Variants in NAV3 observed in about 807,000 individuals in gnomAD.
The protein encoded by NAV3 is neuron navigator 3.
Under a neutral mutation model 244.7 loss-of-function variants are expected in NAV3, and 87 were observed. That is an observed-to-expected ratio of 0.36 (90% CI 0.30 to 0.42). NAV3 has a LOEUF of 0.42. Ranked by LOEUF, NAV3 falls within the 20% of genes least tolerant of loss-of-function variation. The pLI is 1.00. For missense variants in NAV3, 2,663 were observed against 2,893.3 expected, an observed-to-expected ratio of 0.92 and a Z score of 1.83; for synonymous variants, 1,126 against 1,042.2, an observed-to-expected ratio of 1.08 and a Z score of -1.55.
intron 2 of NAV3, among the ~76,000 whole-genome samples, chr12:77,732,634 C>T (rs898669859): frequency 2.4e-4 from 36 of 152,108 alleles, no homozygotes; most frequent in African/African-American, 8.2e-4. Flanking sequence ...TACAACCCTG[C>T]GTGGCACAAA....
chr12:77,664,815 A>G (rs1272114057), intron 2 of NAV3, among the ~76,000 whole-genome samples: 1 of 152,258 alleles, frequency 6.6e-6, no homozygotes, highest in Non-Finnish European at 1.5e-5. Flanking sequence ...AACAAAAAAG[A>G]GAAAACACTC....
At chr12:77,575,992 G>A (rs1869062906) in intron 2 of NAV3, among the ~76,000 whole-genome samples, 1 of 152,076 alleles carries the variant, frequency 6.6e-6, no homozygotes. Flanking sequence ...TTATGGAAAT[G>A]TTTTAAGATT....
intron 1 of NAV3, among the ~76,000 whole-genome samples, chr12:77,936,553 A>G (rs956472299): frequency 1.3e-5 from 2 of 152,162 alleles, no homozygotes; most frequent in Admixed American, 1.3e-4. Flanking sequence ...CAATTATACC[A>G]ATTTCTTCAC....
At chr12:77,704,913 A>T (rs908039954) in intron 2 of NAV3, among the ~76,000 whole-genome samples, 1 of 152,222 alleles carries the variant, frequency 6.6e-6, no homozygotes, top group African/African-American at 2.4e-5. Flanking sequence ...TGGAATTTCA[A>T]ATCTAGTTTA....
intron 2 of NAV3, among the ~76,000 whole-genome samples, chr12:77,781,054 C>T (rs1363846973): frequency 1.3e-5 from 2 of 152,148 alleles, no homozygotes; most frequent in Non-Finnish European, 2.9e-5. Flanking sequence ...CTTAAAACAA[C>T]ACAGGTTTAT....
At chr12:78,164,733 G>C (rs1329464106) in intron 23 of NAV3, among the ~76,000 whole-genome samples, 1 of 152,006 alleles carries the variant, frequency 6.6e-6, no homozygotes, top group African/African-American at 2.4e-5. Flanking sequence ...TGGTGGAGTG[G>C]GGAAAGGAGG....
At chr12:77,800,773 A>G (rs1395459050) in intron 2 of NAV3, among the ~76,000 whole-genome samples, 1 of 152,144 alleles carries the variant, frequency 6.6e-6, no homozygotes, top group Non-Finnish European at 1.5e-5. Context: ...TAGGAGATAC[A>G]GTTTTGTAAG....
At chr12:78,070,553 CTTTTT>C (rs1024243215) in intron 12 of NAV3, among the ~76,000 whole-genome samples, 14 of 151,720 alleles carry the variant, frequency 9.2e-5, no homozygotes, top group African/African-American at 3.4e-4. Flanking sequence ...GTTTAAATTT[CTTTTT>C]TTTATTATTA....
intron 5 of NAV3, among the ~76,000 whole-genome samples, chr12:77,992,727 G>A (rs1405106725): frequency 6.6e-6 from 1 of 152,082 alleles, no homozygotes. Context: ...ACTCTTGAGG[G>A]AAAAATACCA....
At chr12:78,104,482 G>T (rs1954701211) in intron 12 of NAV3, among the ~76,000 whole-genome samples, 1 of 152,128 alleles carries the variant, frequency 6.6e-6, no homozygotes. Context: ...AAACAAGCCT[G>T]CCTCTAACTG....
intron 1 of NAV3, among the ~76,000 whole-genome samples, chr12:77,874,100 C>T (rs138897063): frequency 1.2e-3 from 187 of 152,040 alleles, no homozygotes; most frequent in African/African-American, 4.2e-3. Flanking sequence ...CTTCTCAAAC[C>T]CCCACCCACC....
chr12:78,168,975 T>C (rs1957891853), intron 24 of NAV3, 109 bp downstream of exon 24: 1 of 628,838 alleles, frequency 1.6e-6, no homozygotes, highest in African/African-American at 1.9e-5. Flanking sequence ...TATTAATACA[T>C]ACTAGTTGTA....
At chr12:77,830,594 T>G (rs568233787), upstream of NAV3, among the ~76,000 whole-genome samples, 1 of 152,356 alleles carries the variant, frequency 6.6e-6, no homozygotes, top group Admixed American at 6.5e-5. Context: ...TTACTCTATT[T>G]TCATAACCTA....
At chr12:77,638,743 A>T (rs1184279894) in intron 2 of NAV3, among the ~76,000 whole-genome samples, 1 of 152,246 alleles carries the variant, frequency 6.6e-6, no homozygotes, top group Non-Finnish European at 1.5e-5. Flanking sequence ...AGTAATATTT[A>T]TAGTGTCATC....
intron 7 of NAV3, among the ~76,000 whole-genome samples, chr12:78,004,365 G>A (rs1416824635): frequency 6.6e-6 from 1 of 152,150 alleles, no homozygotes; most frequent in East Asian, 1.9e-4. Flanking sequence ...AGAAGACAGG[G>A]AGTGGAAGCA....
chr12:77,819,905 C>T (rs913432485), intron 2 of NAV3, among the ~76,000 whole-genome samples: 3 of 152,014 alleles, frequency 2.0e-5, no homozygotes, highest in Non-Finnish European at 4.4e-5. Context: ...AGAAAGAGCT[C>T]GGCAACTACT....
At chr12:77,998,841 G>A (rs1295649522) in intron 7 of NAV3, among the ~76,000 whole-genome samples, 1 of 152,018 alleles carries the variant, frequency 6.6e-6, no homozygotes, top group Non-Finnish European at 1.5e-5. Flanking sequence ...TTCAGTTAAG[G>A]TAAGAGCCAT....
chr12:78,026,881 A>G (rs1391430809), intron 9 of NAV3, among the ~76,000 whole-genome samples: 1 of 152,204 alleles, frequency 6.6e-6, no homozygotes, highest in Admixed American at 6.5e-5. Flanking sequence ...AATAATTTTC[A>G]GAGGAAAACA....
intron 16 of NAV3, among the ~76,000 whole-genome samples, chr12:78,125,837 TC>T (rs1331936786): frequency 1.3e-5 from 2 of 152,202 alleles, no homozygotes; most frequent in African/African-American, 4.8e-5. Flanking sequence ...ATTAAATTGC[TC>T]TTCATCATAT....
Sources: gnomAD v4.1 joint callset for allele counts (sites outside exome capture counted in the v4.1 genomes callset) on GRCh38, gnomAD v4.1.1 for gene constraint, MANE v1.5 for transcripts, NCBI Gene and HGNC (gene_info 2026-07-23, HGNC 2026-07-21) for gene names.